Variants in PSD3 observed in about 807,000 individuals in gnomAD.
PSD3 encodes the protein PH and SEC7 domain-containing protein 3.
PSD3 carries 49 observed loss-of-function variants against 105.5 expected under a neutral mutation model. The ratio of observed to expected loss-of-function variants is 0.46; its 90% CI spans 0.37 to 0.59. The LOEUF (loss-of-function observed/expected upper bound fraction) is 0.59, where lower values mean the gene tolerates loss of function less well. Ranked by LOEUF, PSD3 falls within the 20% of genes least tolerant of loss-of-function variation. The pLI is 0.00. For missense variants in PSD3, 1,561 were observed against 1,263.8 expected (o/e 1.24, Z -3.57); for synonymous variants, 557 against 457.8 (o/e 1.22, Z -2.77).
chr8:19,053,398 G>T (rs1177300347), intron 1 of PSD3, among the ~76,000 whole-genome samples: 1 of 152,164 alleles, frequency 6.6e-6, no homozygotes, highest in Non-Finnish European at 1.5e-5. Flanking sequence ...AGAGAATGCT[G>T]GGACAGAGTG....
chr8:18,662,983 T>C (rs11203975), intron 9 of PSD3, among the ~76,000 whole-genome samples: 3,708 of 152,260 alleles, frequency 0.024, 114 homozygotes, highest in East Asian at 0.13. Context: ...CTCTGACTGC[T>C]TCTTGTCAAA....
chr8:18,666,721 T>C, intron 9 of PSD3, among the ~76,000 whole-genome samples: 1 of 138,148 alleles, frequency 7.2e-6, no homozygotes, highest in African/African-American at 2.7e-5. Flanking sequence ...TATTGCTTTT[T>C]TTTGGGGGGT....
intron 4 of PSD3, among the ~76,000 whole-genome samples, chr8:18,855,010 C>G (rs1292288215): frequency 6.6e-6 from 1 of 152,180 alleles, no homozygotes; most frequent in African/African-American, 2.4e-5. Context: ...GAGTTGAGAT[C>G]CACTGGAAGC....
intron 2 of PSD3, among the ~76,000 whole-genome samples, chr8:18,876,350 A>G (rs977343764): frequency 2.0e-5 from 3 of 152,180 alleles, no homozygotes; most frequent in Admixed American, 6.5e-5. Context: ...ATGAATAAAA[A>G]ATGTGTATAT....
In PSD3 at chr8:18,890,174, A is replaced by C. The variant is rs1038157061; in HGVS notation, c.131-17441T>G. On this transcript the variant is annotated intron_variant, in intron 2 of 15. Transcript: ENST00000327040. ...AGGAGACAATAAGATTACTGGAGGA[A>C]CTGGTAACAATAATTCCTTATGTAA... 2.0e-5 allele frequency among the ~76,000 whole-genome samples: 3 copies of C among 152,188 alleles called. No homozygotes were observed. The East Asian group carries it at 5.8e-4, about 29-fold the overall frequency.
At chr8:18,970,092 A>G (rs2059643) in intron 1 of PSD3, among the ~76,000 whole-genome samples, 64,305 of 151,268 alleles carry the variant, frequency 0.43, 13,902 homozygotes, top group Non-Finnish European at 0.44. Context: ...TTGGGAGGCC[A>G]AGTTGGGCGG....
At chr8:19,040,481 T>C (rs942336509) in intron 1 of PSD3, among the ~76,000 whole-genome samples, 4 of 152,170 alleles carry the variant, frequency 2.6e-5, no homozygotes, top group African/African-American at 7.2e-5. Context: ...GTTGGGATTA[T>C]AGGCGTGAGC....
chr8:18,957,595 C>G (rs527946566), intron 1 of PSD3, among the ~76,000 whole-genome samples: 2 of 152,178 alleles, frequency 1.3e-5, no homozygotes, highest in South Asian at 4.1e-4. Flanking sequence ...TTCACCTATT[C>G]CATTACAGCC....
chr8:18,973,358 T>A (rs1430042283), intron 1 of PSD3, among the ~76,000 whole-genome samples: 2 of 152,182 alleles, frequency 1.3e-5, no homozygotes, highest in Non-Finnish European at 2.9e-5. Context: ...TTCTCAAAGT[T>A]CTGAAGGCTG....
intron 11 of PSD3, among the ~76,000 whole-genome samples, chr8:18,628,706 C>G (rs963326418): frequency 1.3e-5 from 2 of 151,876 alleles, no homozygotes; most frequent in African/African-American, 4.8e-5. Context: ...AATTAACTTG[C>G]TATAAGGGTC....
At chr8:18,829,916 C>G (rs7005547) in intron 4 of PSD3, among the ~76,000 whole-genome samples, 2,490 of 152,170 alleles carry the variant, frequency 0.016, 72 homozygotes, top group African/African-American at 0.057. Flanking sequence ...TAATCACAAC[C>G]ATACCTTCTT....
chr8:18,740,387 G>A (rs1355167123), intron 9 of PSD3, among the ~76,000 whole-genome samples: 1 of 152,128 alleles, frequency 6.6e-6, no homozygotes, highest in African/African-American at 2.4e-5. Context: ...AGCTTGCAGT[G>A]ACCTTCCCTA....
chr8:18,970,633 T>C (rs751566897), intron 1 of PSD3, among the ~76,000 whole-genome samples: 24 of 152,026 alleles, frequency 1.6e-4, no homozygotes, highest in Non-Finnish European at 3.4e-4. Flanking sequence ...TAGTCTTTCC[T>C]AGAATTGTCC....
rs1803663634 is a variant in PSD3, at chr8:18,592,202, A to T, written c.2481+8162T>A. On this transcript the variant is annotated intron_variant, in intron 12 of 15. Transcript: ENST00000327040. ...CAAAGAGAAAATATTTAAGGGAACT[A>T]AATAGATATTTTCAAGCTGAAGAAT... is the stretch of plus-strand genomic sequence containing the variant. Among the ~76,000 whole-genome samples, 3 of 152,202 alleles carry T rather than the reference A, an allele frequency of 2.0e-5. No individual in the cohort carries two copies. The South Asian group carries it at 6.2e-4, about 32-fold the overall frequency.
exon 1 of PSD3, chr8:19,084,677 C>T (rs1318914400): frequency 2.9e-6 from 1 of 343,470 alleles, no homozygotes; most frequent in African/African-American, 2.1e-5. Flanking sequence ...TCCTCCCTTC[C>T]TTCTTTTCCT....
upstream of PSD3, among the ~76,000 whole-genome samples, chr8:19,018,109 G>C (rs1827233897): frequency 6.6e-6 from 1 of 152,090 alleles, no homozygotes; most frequent in Non-Finnish European, 1.5e-5. Flanking sequence ...GGTGTGAAGT[G>C]GTAGATTGAT....
At chr8:19,014,719 A>T (rs567735405), upstream of PSD3, among the ~76,000 whole-genome samples, 63 of 152,300 alleles carry the variant, frequency 4.1e-4, no homozygotes, top group South Asian at 0.012. The surrounding 1 kb of genome is among the most constrained non-coding windows in gnomAD (Gnocchi z 4.9). Flanking sequence ...GGCCAAGCTT[A>T]GAGATGGGAG....
intron 2 of PSD3, among the ~76,000 whole-genome samples, chr8:18,920,808 T>C (rs976921413): frequency 1.3e-5 from 2 of 152,148 alleles, no homozygotes; most frequent in Admixed American, 1.3e-4. Context: ...AGTAGCCACC[T>C]AGCCCTCCAT....
chr8:19,033,086 A>AAAACAAACAAAC (rs201973697), intron 1 of PSD3, among the ~76,000 whole-genome samples: 9 of 151,628 alleles, frequency 5.9e-5, no homozygotes, highest in South Asian at 2.1e-4. Context: ...ACCCTATCTC[A>AAAACAAACAAAC]AAACAAACAA....
Sources: allele counts gnomAD v4.1 joint callset (sites outside exome capture counted in the v4.1 genomes callset), GRCh38; gene constraint gnomAD v4.1.1; non-coding constraint Gnocchi (gnomAD v3.1); transcripts MANE v1.5; gene names NCBI Gene and HGNC (gene_info 2026-07-23, HGNC 2026-07-21).